ASXL2: variants seen among roughly 807,000 people sequenced by gnomAD.
The protein encoded by ASXL2 is putative Polycomb group protein ASXL2.
ASXL2 carries 23 observed loss-of-function variants against 122.0 expected under a neutral mutation model. The ratio of observed to expected loss-of-function variants is 0.19; its 90% CI spans 0.14 to 0.27. ASXL2 has a LOEUF of 0.27. Ranked by LOEUF, ASXL2 falls within the 10% of genes least tolerant of loss-of-function variation. The pLI is 1.00. For missense variants in ASXL2, 1,518 were observed against 1,713.8 expected (o/e 0.89, Z 2.02); for synonymous variants, 650 against 637.0 (o/e 1.02, Z -0.31).
intron 1 of ASXL2, among the ~76,000 whole-genome samples, chr2:25,866,480 G>T (rs977125657): frequency 1.3e-5 from 2 of 152,080 alleles, no homozygotes; most frequent in Admixed American, 6.6e-5. Context: ...CCTATGGGAG[G>T]TCTATAAGAA....
chr2:25,852,659 A>T (rs1204091421), intron 1 of ASXL2, among the ~76,000 whole-genome samples: 1 of 152,238 alleles, frequency 6.6e-6, no homozygotes, highest in Non-Finnish European at 1.5e-5. Flanking sequence ...AGAACAATAT[A>T]TCAACGTTTA....
intron 5 of ASXL2, among the ~76,000 whole-genome samples, chr2:25,788,049 T>G (rs2088776152): frequency 6.6e-6 from 1 of 152,022 alleles, no homozygotes; most frequent in Non-Finnish European, 1.5e-5. Flanking sequence ...CAAAGCAAAG[T>G]CCAGAAACCA....
chr2:25,756,262 C>A, intron 9 of ASXL2, 148 bp from the exon 10 acceptor site: 1 of 399,992 alleles, frequency 2.5e-6, no homozygotes, highest in Non-Finnish European at 4.3e-6. Flanking sequence ...TTATCCAACT[C>A]TGTTATTTAA....
At position 25,735,700 on chromosome 2, in the gene ASXL2, T is replaced by C. The variant is rs1436494047; in HGVS notation, c.*6329A>G. 6.6e-6 allele frequency: 1 copy of C among 152,224 alleles called. No individual in the cohort carries two copies. The highest frequency in any genetic ancestry group is 2.4e-5 in the African/African-American group (1 of 41,452). 9.4% of individuals were successfully genotyped at this position (152,224 alleles called of 1,614,324 possible). ...GACCTAAATTAACTACTGACAGAGA[T>C]TGCTGTTGGCCTGCTTCTAATTTAG... On this transcript the variant is annotated 3_prime_UTR_variant, in exon 13 of 13. Coordinates refer to ENST00000435504, the MANE Select transcript of ASXL2 (RefSeq NM_018263.6).
intron 1 of ASXL2, among the ~76,000 whole-genome samples, chr2:25,873,109 A>G (rs573515583): frequency 1.3e-5 from 2 of 151,014 alleles, no homozygotes; most frequent in East Asian, 2.0e-4. Context: ...TTCCCCACCC[A>G]GAGTCCCCAA....
chr2:25,835,265 CT>C (rs1447044803), intron 3 of ASXL2, among the ~76,000 whole-genome samples: 1 of 152,178 alleles, frequency 6.6e-6, no homozygotes, highest in Non-Finnish European at 1.5e-5. Flanking sequence ...CATCCCAACG[CT>C]TTTATAAGTC....
Position 25,749,802 on chromosome 2 carries a change from G to C in ASXL2, c.1754C>G (p.Pro585Arg). The C allele has an allele frequency of 6.2e-7, 1 of 1,609,316 alleles. No individual in the cohort carries two copies. The highest frequency in any genetic ancestry group is 8.5e-7 in the Non-Finnish European group (1 of 1,178,610). The change falls in exon 12 of 13, where the codon CCA becomes CGA. Residue 585 changes from proline to arginine, a missense_variant. Coordinates refer to ENST00000435504, the MANE Select transcript of ASXL2 (RefSeq NM_018263.6). Reference sequence around the variant, plus strand: ...GTGCTGGCGATTCTCAGTGACACGTGGCCTCTTCTCCCAGCTCACAGGGGC... The same window carrying C: ...GTGCTGGCGATTCTCAGTGACACGTCGCCTCTTCTCCCAGCTCACAGGGGC... ...EEAPVSWEKR[P>R]RVTENRQHQQ...
rs1166794637 is a variant in ASXL2 at position 25,735,779 on chromosome 2, A to G, written c.*6250T>C. On this transcript the variant is annotated 3_prime_UTR_variant, in exon 13 of 13. Transcript: ENST00000435504. Reference sequence around the variant, plus strand: ...AGACAACTTTAGCTATTCCAACAATAGTTCTCAAAAAAGGTGCATTTTATT... The same window carrying G: ...AGACAACTTTAGCTATTCCAACAATGGTTCTCAAAAAAGGTGCATTTTATT... 1 of 152,196 alleles carries G rather than the reference A, an allele frequency of 6.6e-6. No homozygotes were observed. Among genetic ancestry groups the G allele is most frequent in the Non-Finnish European group, 1.5e-5 (1 of 68,028 alleles). The allele number at this position is 152,196 out of a possible 1,614,324, so 9.4% of individuals were successfully genotyped here. A position where few individuals can be genotyped will look rare whatever the true frequency, so the allele number is the denominator to read the frequency against.
intron 1 of ASXL2, among the ~76,000 whole-genome samples, chr2:25,850,098 C>T (rs936840944): frequency 6.6e-5 from 10 of 152,052 alleles, no homozygotes; most frequent in African/African-American, 1.5e-4. Context: ...AGACACCCTC[C>T]GTCCACAAAC....
intron 4 of ASXL2, among the ~76,000 whole-genome samples, chr2:25,805,579 C>A (rs932783598): frequency 1.3e-5 from 2 of 151,906 alleles, no homozygotes; most frequent in Non-Finnish European, 2.9e-5. Flanking sequence ...TAATGTAAAG[C>A]ATCTAAGCAG....
chr2:25,786,979 CA>C lies in ASXL2; in HGVS notation c.403+12405del, dbSNP rs368718510. Among the ~76,000 whole-genome samples, 1,132 of 138,308 alleles carry C rather than the reference CA, an allele frequency of 8.2e-3. 11 individuals carry two copies. The highest frequency in any genetic ancestry group is 0.027 in the African/African-American group (990 of 36,706). 90.7% of individuals were successfully genotyped at this position (138,308 alleles called of 152,430 possible). A position where few individuals can be genotyped will look rare whatever the true frequency, so the allele number is the denominator to read the frequency against. On this transcript the variant is annotated intron_variant, in intron 5 of 12. Transcript: ENST00000435504. ...GTAAGTCCTGGCTGGTACAAAATGG[CA>C]AAAAAAAAAAAGAAAAAGAAAATTG... is the stretch of plus-strand genomic sequence containing the variant.
At chr2:25,836,760 A>G (rs1574440834) in intron 2 of ASXL2, among the ~76,000 whole-genome samples, 1 of 152,186 alleles carries the variant, frequency 6.6e-6, no homozygotes, top group South Asian at 2.1e-4. Context: ...CTAATCTTAT[A>G]GTGTGAAAGA....
At chr2:25,828,824 C>CAAA (rs1031358836) in intron 3 of ASXL2, among the ~76,000 whole-genome samples, 9,291 of 48,640 alleles carry the variant, frequency 0.19, 1,196 homozygotes, top group Non-Finnish European at 0.24. Context: ...GACTGTGTCT[C>CAAA]AAAAAAAAAA....
At chr2:25,842,853 G>A (rs1021554969) in intron 2 of ASXL2, among the ~76,000 whole-genome samples, 1 of 147,778 alleles carries the variant, frequency 6.8e-6, no homozygotes, top group Non-Finnish European at 1.5e-5. Flanking sequence ...ACAGAGTCTC[G>A]CTCTGTTGCC....
chr2:25,808,023 T>A (rs61615422), intron 3 of ASXL2, among the ~76,000 whole-genome samples: 52,576 of 114,104 alleles, frequency 0.46, 11,148 homozygotes, highest in Non-Finnish European at 0.57. Flanking sequence ...ACACACACAC[T>A]CTCCACCCCA....
chr2:25,804,660 T>C (rs534238683), intron 4 of ASXL2, among the ~76,000 whole-genome samples: 1 of 152,248 alleles, frequency 6.6e-6, no homozygotes, highest in East Asian at 1.9e-4. Context: ...AGCTAATAAA[T>C]TGTCTTACTC....
intron 4 of ASXL2, among the ~76,000 whole-genome samples, chr2:25,804,060 A>G (rs190141257): frequency 6.6e-6 from 1 of 152,296 alleles, no homozygotes; most frequent in African/African-American, 2.4e-5. Flanking sequence ...GGTCTAGAAC[A>G]GCTAAAACCA....
In ASXL2 at chr2:25,734,148, A is replaced by G. The variant is rs2087695187; in HGVS notation, c.*7881T>C. ...TAGAGTTTCATTTGTTATGTTCTCT[A>G]GATCTTTCATGGATTCTAGAAATTT... On this transcript the variant is annotated 3_prime_UTR_variant, in exon 13 of 13. Coordinates refer to ENST00000435504, the MANE Select transcript of ASXL2 (RefSeq NM_018263.6). 1 of 151,284 alleles carries G rather than the reference A, an allele frequency of 6.6e-6. No individual in the cohort carries two copies. The highest frequency in any genetic ancestry group is 2.4e-5 in the African/African-American group (1 of 41,090). The allele number at this position is 151,284 out of a possible 1,614,324, so 9.4% of individuals were successfully genotyped here.
At chr2:25,770,453 G>A (rs904608112) in intron 6 of ASXL2, among the ~76,000 whole-genome samples, 1 of 152,108 alleles carries the variant, frequency 6.6e-6, no homozygotes, top group Admixed American at 6.5e-5. Context: ...GTTATGTACA[G>A]TGTAATATTA....
Sources: allele counts gnomAD v4.1 joint callset (sites outside exome capture counted in the v4.1 genomes callset), GRCh38; gene constraint gnomAD v4.1.1; transcripts MANE v1.5; gene names NCBI Gene and HGNC (gene_info 2026-07-23, HGNC 2026-07-21).